RBFOX1: variants seen among roughly 807,000 people sequenced by gnomAD.
The protein encoded by RBFOX1 is RNA binding fox-1 homolog 1.
Under a neutral mutation model 57.7 loss-of-function variants are expected in RBFOX1, and 8 were observed. The ratio of observed to expected loss-of-function variants is 0.14; its 90% CI spans 0.08 to 0.25. The LOEUF (loss-of-function observed/expected upper bound fraction) is 0.25. RBFOX1 is among the 10% of genes least tolerant of loss of function. The pLI is 1.00. For synonymous variants in RBFOX1, 326 were observed against 222.4 expected (o/e 1.47, Z -4.15); for missense variants, 611 against 548.5 (o/e 1.11, Z -1.14).
intron 3 of RBFOX1, among the ~76,000 whole-genome samples, chr16:6,945,220 G>T (rs961814493): frequency 3.3e-5 from 5 of 152,152 alleles, no homozygotes. Flanking sequence ...CAAAGTTCCA[G>T]CTCAGCCACT....
At chr16:6,636,646 T>G (rs1210331517) in intron 2 of RBFOX1, among the ~76,000 whole-genome samples, 1 of 150,916 alleles carries the variant, frequency 6.6e-6, no homozygotes, top group African/African-American at 2.4e-5. Flanking sequence ...TGTGTAAACA[T>G]TGCGAAATGC....
At chr16:6,658,664 C>T (rs1403870772) in intron 3 of RBFOX1, among the ~76,000 whole-genome samples, 1 of 152,192 alleles carries the variant, frequency 6.6e-6, no homozygotes, top group African/African-American at 2.4e-5. Flanking sequence ...CTCAGGCTGA[C>T]AGGAAACTAA....
At chr16:7,652,211 G>A (rs1334344852) in intron 11 of RBFOX1, among the ~76,000 whole-genome samples, 2 of 152,148 alleles carry the variant, frequency 1.3e-5, no homozygotes, top group Non-Finnish European at 2.9e-5. Context: ...AAAGGCAAAA[G>A]TGGTTTCCTG....
chr16:5,595,841 G>A (rs9921960), intron 2 of RBFOX1, among the ~76,000 whole-genome samples: 16,938 of 152,196 alleles, frequency 0.11, 1,179 homozygotes, highest in East Asian at 0.32. Context: ...ATAGCACAGG[G>A]ACTGCGTTAA....
intron 3 of RBFOX1, among the ~76,000 whole-genome samples, chr16:7,009,827 G>C (rs770752150): frequency 1.3e-5 from 2 of 152,152 alleles, no homozygotes; most frequent in Non-Finnish European, 2.9e-5. Context: ...AACGTGAAAA[G>C]TTTGTATTTT....
intron 7 of RBFOX1, among the ~76,000 whole-genome samples, chr16:7,589,071 T>C (rs909963375): frequency 6.6e-5 from 10 of 152,190 alleles, no homozygotes; most frequent in Non-Finnish European, 1.3e-4. Flanking sequence ...ACGGGGACTA[T>C]TGCTATACCT....
intron 3 of RBFOX1, among the ~76,000 whole-genome samples, chr16:6,999,209 T>TTC: frequency 1.0e-5 from 1 of 95,882 alleles, no homozygotes; most frequent in South Asian, 3.1e-4. Context: ...ATTTTTTATT[T>TTC]TTATTTATTT....
intron 3 of RBFOX1, among the ~76,000 whole-genome samples, chr16:6,968,457 A>C (rs551237283): frequency 9.9e-5 from 15 of 152,138 alleles, no homozygotes; most frequent in South Asian, 2.1e-4. Context: ...GCCTGACGCT[A>C]TCCGGACCGA....
chr16:5,793,487 G>A (rs1285445923), intron 3 of RBFOX1, among the ~76,000 whole-genome samples: 1 of 152,258 alleles, frequency 6.6e-6, no homozygotes, highest in Admixed American at 6.5e-5. Context: ...GGAAGCTGAT[G>A]TGGCACTGGC....
intron 1 of RBFOX1, among the ~76,000 whole-genome samples, chr16:6,023,672 C>G (rs960145542): frequency 6.6e-6 from 1 of 152,190 alleles, no homozygotes; most frequent in Non-Finnish European, 1.5e-5. Context: ...GGCAGCTCGT[C>G]CTGCCTTTGC....
intron 4 of RBFOX1, among the ~76,000 whole-genome samples, chr16:5,956,263 G>A (rs1389466816): frequency 6.6e-6 from 1 of 152,124 alleles, no homozygotes; most frequent in Non-Finnish European, 1.5e-5. Context: ...GCGATGGAGT[G>A]AAACTGTTTC....
At chr16:6,984,918 G>T (rs556008114) in intron 3 of RBFOX1, among the ~76,000 whole-genome samples, 1 of 152,108 alleles carries the variant, frequency 6.6e-6, no homozygotes, top group Non-Finnish European at 1.5e-5. Context: ...TAGGATTACA[G>T]GTATGAGACA....
At chr16:6,214,788 GGAGGGA>G (rs767823681) in intron 1 of RBFOX1, among the ~76,000 whole-genome samples, 241 of 92,678 alleles carry the variant, frequency 2.6e-3, no homozygotes, top group Middle Eastern at 0.011. Flanking sequence ...AGGGAGAAGG[GGAGGGA>G]GAGGGAGAGG....
chr16:6,498,529 A>AT (rs1260598767), intron 2 of RBFOX1, among the ~76,000 whole-genome samples: 5 of 152,084 alleles, frequency 3.3e-5, no homozygotes, highest in African/African-American at 1.2e-4. Flanking sequence ...AGACCCATAG[A>AT]TTTTGCCTGC....
chr16:6,102,216 G>A (rs1388507068), intron 1 of RBFOX1, among the ~76,000 whole-genome samples: 4 of 147,006 alleles, frequency 2.7e-5, no homozygotes, highest in Admixed American at 6.8e-5. Flanking sequence ...AATGCATTTA[G>A]TGGAAACCTC....
chr16:7,691,440 AAAGGAAAGGAGAAAAGG>A (rs997750555), intron 14 of RBFOX1, among the ~76,000 whole-genome samples: 46 of 151,530 alleles, frequency 3.0e-4, no homozygotes, highest in African/African-American at 1.0e-3. Flanking sequence ...AAGAAAACGG[AAAGGAAAGGAGAAAAGG>A]AAGGAAAGGG....
chr16:7,370,148 C>A (rs1204290449), intron 4 of RBFOX1, among the ~76,000 whole-genome samples: 1 of 152,216 alleles, frequency 6.6e-6, no homozygotes, highest in Non-Finnish European at 1.5e-5. Flanking sequence ...CTCTGGACTC[C>A]TCCCTGTGGA....
chr16:6,507,416 A>G (rs1298924513), intron 2 of RBFOX1, among the ~76,000 whole-genome samples: 2 of 149,384 alleles, frequency 1.3e-5, no homozygotes, highest in African/African-American at 2.5e-5. Flanking sequence ...AATGCCTGTA[A>G]TCCCAACACT....
intron 1 of RBFOX1, among the ~76,000 whole-genome samples, chr16:6,082,200 AGATGGATCCTTACTCTG>A (rs2096011878): frequency 2.6e-5 from 2 of 76,364 alleles, no homozygotes; most frequent in African/African-American, 1.2e-4. Context: ...TTTTTTTTTG[AGATGGATCCTTACTCTG>A]TCACCCAGGC....
Sources: gnomAD v4.1 joint callset for allele counts (sites outside exome capture counted in the v4.1 genomes callset) on GRCh38, gnomAD v4.1.1 for gene constraint, MANE v1.5 for transcripts, NCBI Gene and HGNC (gene_info 2026-07-23, HGNC 2026-07-21) for gene names.